USP49: variants seen among roughly 807,000 people sequenced by gnomAD.
USP49 encodes the protein ubiquitin specific peptidase 49, also known as ubiquitin carboxyl-terminal hydrolase 49.
USP49 carries 24 observed loss-of-function variants against 58.6 expected under a neutral mutation model. The observed-to-expected ratio is 0.41, with a 90% CI of 0.30 to 0.58. The LOEUF (loss-of-function observed/expected upper bound fraction) is 0.58, where lower values mean the gene tolerates loss of function less well. Among genes scored for constraint, USP49 ranks in the 20% least tolerant of loss-of-function variants. The pLI is 0.30. For synonymous variants in USP49, 408 were observed against 365.1 expected (o/e 1.12, Z -1.34); for missense variants, 703 against 866.1 (o/e 0.81, Z 2.36).
Position 41,792,390 on chromosome 6 carries a change from C to T in USP49, c.*4143G>A, listed in dbSNP as rs1203973570. ...TTGACTTCTGCTATATGTTGCCCAG[C>T]ATTAGTCATTGTTTTGATAAAGACT... On this transcript the variant is annotated 3_prime_UTR_variant, in exon 8 of 8. Coordinates refer to ENST00000682992, the MANE Select transcript of USP49 (RefSeq NM_001286554.2). 2.0e-5 allele frequency: 3 copies of T among 152,226 alleles called. No homozygotes were observed. The highest frequency in any genetic ancestry group is 4.4e-5 in the Non-Finnish European group (3 of 68,034). 9.4% of individuals were successfully genotyped at this position (152,226 alleles called of 1,614,324 possible).
intron 2 of USP49, among the ~76,000 whole-genome samples, chr6:41,885,761 A>C (rs964952096): frequency 2.0e-5 from 3 of 152,026 alleles, no homozygotes; most frequent in Non-Finnish European, 4.4e-5. Flanking sequence ...ATGCTACTGC[A>C]CTCCAGCCTG....
chr6:41,865,724 G>A (rs955132226), intron 3 of USP49, among the ~76,000 whole-genome samples: 13 of 150,706 alleles, frequency 8.6e-5, no homozygotes, highest in Admixed American at 1.3e-4. Flanking sequence ...CTGTAACCTC[G>A]AACTCCTGAG....
At chr6:41,807,441 T>G (rs79149155) in intron 3 of USP49, among the ~76,000 whole-genome samples, 2,566 of 152,216 alleles carry the variant, frequency 0.017, 56 homozygotes, top group African/African-American at 0.051. Flanking sequence ...TAAGGAACAT[T>G]GTATATGTGG....
intron 3 of USP49, among the ~76,000 whole-genome samples, chr6:41,810,537 A>AAAG (rs1773238847): frequency 9.1e-6 from 1 of 109,806 alleles, no homozygotes; most frequent in Non-Finnish European, 1.8e-5. Context: ...TCAATTCCCT[A>AAAG]AAGATAGTTC....
At position 41,806,871 on chromosome 6, in the gene USP49, C is replaced by A; in HGVS notation, c.113G>T (p.Cys38Phe). The A allele has an allele frequency of 6.2e-7, 1 of 1,614,022 alleles. No homozygotes were observed. Among genetic ancestry groups the A allele is most frequent in the Non-Finnish European group, 8.5e-7 (1 of 1,179,968 alleles). Residue 38 changes from cysteine (C) to phenylalanine (F), a missense_variant, in exon 4 of 8, where the codon TGC becomes TTC. By Grantham distance (205) the Cys-to-Phe change is radical. Transcript: ENST00000682992. The surrounding 1 kb of genome is among the most constrained non-coding windows in gnomAD (Gnocchi z 5.9). ...GCAGGCCACGTGGGAGCACTTGAGGCAGGCCCACACGGACTCGGTGGTGGC... is the reference window on the plus strand; with the variant it reads ...GCAGGCCACGTGGGAGCACTTGAGGAAGGCCCACACGGACTCGGTGGTGGC... ...ECATTESVWA[C>F]LKCSHVACGR... is the part of the protein sequence containing the mutation.
intron 7 of USP49, chr6:41,798,156 T>C (rs1434407302): frequency 1.3e-5 from 2 of 154,564 alleles, no homozygotes; most frequent in African/African-American, 4.8e-5. Flanking sequence ...GTGTGAGCCA[T>C]TGCACAGGGC....
chr6:41,792,054 C>T lies in USP49; in HGVS notation c.*4479G>A, dbSNP rs780553443. ...ACACCATATGTTGAAGTTTCATGAG[C>T]TCAGTGGAAACCTTAAGGTCAGAGT... On this transcript the variant is annotated 3_prime_UTR_variant, in exon 8 of 8. Transcript: ENST00000682992. The T allele has an allele frequency of 3.3e-5, 5 of 152,164 alleles. No individual in the cohort carries two copies. The highest frequency in any genetic ancestry group is 5.9e-5 in the Non-Finnish European group (4 of 68,036). 9.4% of individuals were successfully genotyped at this position (152,164 alleles called of 1,614,324 possible).
intron 3 of USP49, among the ~76,000 whole-genome samples, chr6:41,831,257 G>T (rs1271709088): frequency 1.3e-5 from 2 of 152,088 alleles, no homozygotes; most frequent in African/African-American, 4.8e-5. Context: ...GGGCGTGGTG[G>T]CATGCACCTG....
rs1339316569 is a variant in USP49, at chr6:41,791,028, GTTCT to G, written c.*5501_*5504del. ...AAGACAAGAAATACCAGCACCTCCT[GTTCT>G]TTATAGGAATGAAACTTAGATCCTT... On this transcript the variant is annotated 3_prime_UTR_variant, in exon 8 of 8. Coordinates refer to ENST00000682992, the MANE Select transcript of USP49 (RefSeq NM_001286554.2). The G allele has an allele frequency of 6.6e-6, 1 of 152,134 alleles. No homozygotes were observed. The highest frequency in any genetic ancestry group is 1.5e-5 in the Non-Finnish European group (1 of 68,024). The allele number at this position is 152,134 out of a possible 1,614,324, so 9.4% of individuals were successfully genotyped here.
chr6:41,817,740 C>G (rs924693637), intron 3 of USP49, among the ~76,000 whole-genome samples: 5 of 152,128 alleles, frequency 3.3e-5, no homozygotes, highest in Non-Finnish European at 7.3e-5. Flanking sequence ...CTCAGCCTCC[C>G]AAGTAGCTGG....
chr6:41,812,420 C>T (rs1192492884), intron 3 of USP49, among the ~76,000 whole-genome samples: 1 of 96 alleles, frequency 0.01, no homozygotes, highest in African/African-American at 0.036. Context: ...ACAGGCCGGG[C>T]GCAGTGCTCA....
In USP49 at chr6:41,827,186, A is replaced by G. The variant is rs560707380; in HGVS notation, c.-28-20175T>C. On this transcript the variant is annotated intron_variant, in intron 3 of 7. Transcript: ENST00000682992. ...TTGATCATATAAGTCAGTTCCCAAG[A>G]AACTGGGCATCATACGTTATTCTCA... 3.9e-5 allele frequency among the ~76,000 whole-genome samples: 6 copies of G among 152,348 alleles called. No homozygotes were observed. In the South Asian group the frequency reaches 1.2e-3, roughly 32 times the overall value.
At chr6:41,834,612 T>C (rs1773694392) in intron 3 of USP49, among the ~76,000 whole-genome samples, 1 of 152,166 alleles carries the variant, frequency 6.6e-6, no homozygotes, top group Non-Finnish European at 1.5e-5. Context: ...TAGTGTGTTC[T>C]CACGAGATCC....
intron 3 of USP49, among the ~76,000 whole-genome samples, chr6:41,845,021 C>T (rs1208711247): frequency 6.6e-6 from 1 of 152,122 alleles, no homozygotes; most frequent in African/African-American, 2.4e-5. Context: ...CTGCCTCAGC[C>T]TCCTGAGTAG....
chr6:41,805,712 G>A lies in USP49; in HGVS notation c.1272C>T (p.Ile424=), dbSNP rs1336101917. Residue 424 remains isoleucine, a synonymous_variant, in exon 4 of 8, where the codon ATC becomes ATT. Coordinates refer to ENST00000682992, the MANE Select transcript of USP49 (RefSeq NM_001286554.2). ...ELESEGTTRR[I]LIPFSQRKLT... is the part of the protein sequence containing the mutation. ...GCTTCCTCTGGGAGAAGGGGATGAGGATCCGGCGTGTGGTGCCCTCAGACT... is the reference window on the plus strand; with the variant it reads ...GCTTCCTCTGGGAGAAGGGGATGAGAATCCGGCGTGTGGTGCCCTCAGACT... 8 of 1,613,988 alleles carry A rather than the reference G, an allele frequency of 5.0e-6. No individual in the cohort carries two copies. Among genetic ancestry groups the A allele is most frequent in the Non-Finnish European group, 6.8e-6 (8 of 1,180,000 alleles).
At chr6:41,874,350 A>G (rs1347661789) in intron 2 of USP49, 1 of 152,206 alleles carries the variant, frequency 6.6e-6, no homozygotes, top group Non-Finnish European at 1.5e-5. Flanking sequence ...TTTAGTTTAG[A>G]GCAATTTTCA....
intron 3 of USP49, among the ~76,000 whole-genome samples, chr6:41,839,416 A>G (rs1205260288): frequency 1.4e-5 from 2 of 141,506 alleles, no homozygotes; most frequent in Non-Finnish European, 1.5e-5. Flanking sequence ...AAAAAAAAAA[A>G]AAAAAAAAAA....
intron 3 of USP49, among the ~76,000 whole-genome samples, chr6:41,816,229 C>A (rs777682180): frequency 5.3e-5 from 8 of 152,190 alleles, no homozygotes; most frequent in Non-Finnish European, 1.0e-4. Context: ...TTTTTAGATT[C>A]TTTCTCCTTC....
intron 2 of USP49, among the ~76,000 whole-genome samples, chr6:41,879,931 T>C (rs188370040): frequency 2.7e-4 from 41 of 152,340 alleles, no homozygotes; most frequent in African/African-American, 9.6e-4. Flanking sequence ...CTTTCAGTTT[T>C]TTCGTGGCTC....
Sources: gnomAD v4.1 joint callset for allele counts (sites outside exome capture counted in the v4.1 genomes callset) on GRCh38, gnomAD v4.1.1 for gene constraint, Gnocchi (gnomAD v3.1) non-coding constraint, MANE v1.5 for transcripts, NCBI Gene and HGNC (gene_info 2026-07-23, HGNC 2026-07-21) for gene names.